EIF2B2: variants seen among roughly 807,000 people sequenced by gnomAD.
EIF2B2 encodes translation initiation factor eIF2B subunit beta.
In EIF2B2, 34 loss-of-function variants were observed where a neutral mutation model predicts 34.7. The ratio of observed to expected loss-of-function variants is 0.98; its 90% CI spans 0.75 to 1.31. The LOEUF is 1.31. Ranked by LOEUF, EIF2B2 falls within the 50% of genes most tolerant of loss-of-function variation. The probability of loss-of-function intolerance (pLI) is 0.00; values close to 1 mark genes in which losing one functional copy is unlikely to be tolerated. For synonymous variants in EIF2B2, 155 were observed against 171.6 expected, an observed-to-expected ratio of 0.90 and a Z score of 0.76; for missense variants, 361 against 447.7, an observed-to-expected ratio of 0.81 and a Z score of 1.75.
intron 3 of EIF2B2, among the ~76,000 whole-genome samples, chr14:75,004,463 AG>A (rs1391343925): frequency 9.3e-6 from 1 of 108,058 alleles, no homozygotes; most frequent in Non-Finnish European, 2.0e-5. Flanking sequence ...GGCCAAGGTG[AG>A]TGGATTGCTT....
Position 75,009,173 on chromosome 14 carries a change from T to C in EIF2B2, c.1041T>C (p.Asp347=), listed in dbSNP as rs1317671933. 4 of 1,613,940 alleles carry C rather than the reference T, an allele frequency of 2.5e-6. No individual in the cohort carries two copies. Among genetic ancestry groups the C allele is most frequent in the Non-Finnish European group, 3.4e-6 (4 of 1,179,976 alleles). Residue 347 remains aspartate, a synonymous_variant, in exon 8 of 8, where the codon GAT becomes GAC. Transcript: ENST00000266126. ...TGATGAGTGAACTCTACCATCCTGA[T>C]GATCATGTTTTATGACCGACCACAC... ...YRLMSELYHP[D]DHVL
intron 7 of EIF2B2, chr14:75,008,204 T>C (rs542609164): frequency 1.9e-5 from 5 of 259,936 alleles, no homozygotes; most frequent in Admixed American, 1.0e-4. Context: ...ACCTGTAGCC[T>C]GGATAGTCTC....
chr14:75,004,689 A>ATATATATATATATATATTTTTTT lies in EIF2B2; in HGVS notation c.434-47_434-46insATATATATATATATATTTTTTTT. Reference sequence around the variant, plus strand: ...TTCATATATATATATATATATATATATTTTTTTTTTTTTTTTTTTTTTTTT... The same window carrying ATATATATATATATATATTTTTTT: ...TTCATATATATATATATATATATATATATATATATATATATATTTTTTTTTTTTTTTTTTTTTTTTTTTTTTTT... On this transcript the variant is annotated intron_variant, in intron 3 of 7. Transcript: ENST00000266126. The ATATATATATATATATATTTTTTT allele has an allele frequency of 2.7e-5, 4 of 146,202 alleles. No homozygotes were observed. The African/African-American group carries it at 2.9e-4, about 11-fold the overall frequency. The allele number at this position is 146,202 out of a possible 1,614,324, so 9.1% of individuals were successfully genotyped here.
At chr14:75,004,685 ATATATTTTT>A (rs1889594456) in intron 3 of EIF2B2, 43 bp from the exon 4 acceptor site, 2 of 129,984 alleles carry the variant, frequency 1.5e-5, no homozygotes, top group African/African-American at 4.4e-4. Flanking sequence ...ATATATATAT[ATATATTTTT>A]TTTTTTTTTT....
intron 6 of EIF2B2, chr14:75,007,167 AT>A: frequency 2.3e-6 from 1 of 432,616 alleles, no homozygotes; most frequent in Non-Finnish European, 4.6e-6. Context: ...ATAGGTCTCT[AT>A]TTTTTAAATT....
intron 6 of EIF2B2, chr14:75,007,118 G>A (rs1185238039): frequency 4.3e-6 from 2 of 463,644 alleles, no homozygotes; most frequent in Non-Finnish European, 8.6e-6. Flanking sequence ...CATTTCATCA[G>A]TGATAGAAGC....
chr14:75,008,952 G>A (rs757439974), intron 7 of EIF2B2, 79 bp from the exon 8 acceptor site: 20 of 1,597,550 alleles, frequency 1.3e-5, no homozygotes, highest in East Asian at 8.9e-5. Flanking sequence ...CTGCATTCTC[G>A]AGCCTGGAAT....
chr14:75,005,973 T>C lies in EIF2B2; in HGVS notation c.693+12T>C, dbSNP rs1889621386. The C allele has an allele frequency of 2.5e-6, 4 of 1,594,170 alleles. No homozygotes were observed. Among genetic ancestry groups the C allele is most frequent in the Non-Finnish European group, 3.4e-6 (4 of 1,162,162 alleles). On this transcript the variant is annotated intron_variant, in intron 5 of 7. Transcript: ENST00000266126. ...CAAGAGTCAACAAGGTGGGTATATCTGGAGTTATGTTGAATTCATGAAGAT... is the reference window on the plus strand; with the variant it reads ...CAAGAGTCAACAAGGTGGGTATATCCGGAGTTATGTTGAATTCATGAAGAT...
Position 75,003,700 on chromosome 14 carries a change from G to T in EIF2B2, c.433+1G>T. The T allele has an allele frequency of 6.2e-7, 1 of 1,614,184 alleles. No homozygotes were observed. Among genetic ancestry groups the T allele is most frequent in the South Asian group, 1.1e-5 (1 of 91,082 alleles). On this transcript the variant is annotated splice_donor_variant, in intron 3 of 7. Transcript: ENST00000266126. LOFTEE classifies it high-confidence loss of function. ...ATTAATGAGCTGCTAGTGGAGCTGG[G>T]TAAGAGGCCTGATCGCTGGGAAAAT...
chr14:75,008,306 C>G, intron 7 of EIF2B2: 1 of 189,012 alleles, frequency 5.3e-6, no homozygotes, highest in South Asian at 1.0e-4. Flanking sequence ...GCCTTACACA[C>G]CATCTGAGAG....
At chr14:75,005,282 C>A (rs1889610736) in intron 4 of EIF2B2, among the ~76,000 whole-genome samples, 1 of 151,500 alleles carries the variant, frequency 6.6e-6, no homozygotes, top group Non-Finnish European at 1.5e-5. Flanking sequence ...GAGGGTGAGG[C>A]AGGAGAATTG....
At chr14:75,008,425 C>T (rs1595010718) in intron 7 of EIF2B2, 1 of 180,264 alleles carries the variant, frequency 5.5e-6, no homozygotes, top group East Asian at 1.4e-4. Context: ...TGAGCACCTA[C>T]AATGTATCCA....
At position 75,006,405 on chromosome 14, in the gene EIF2B2, A is replaced by G; in HGVS notation, c.694-172A>G. ...CATTTTACATTCATTCTTTCCTTGGAAACCTACTTTTAAGCTAGAACTTGT... is the reference window on the plus strand; with the variant it reads ...CATTTTACATTCATTCTTTCCTTGGGAACCTACTTTTAAGCTAGAACTTGT... On this transcript the variant is annotated intron_variant, in intron 5 of 7. Transcript: ENST00000266126. The surrounding 1 kb of genome is among the most constrained non-coding windows in gnomAD (Gnocchi z 4.1). 1.1e-6 allele frequency: 1 copy of G among 897,852 alleles called. No homozygotes were observed. Among genetic ancestry groups the G allele is most frequent in the Non-Finnish European group, 1.7e-6 (1 of 596,998 alleles). 55.6% of individuals were successfully genotyped at this position (897,852 alleles called of 1,614,324 possible).
In EIF2B2 at chr14:75,011,039, G is replaced by A. The variant is rs1024108074; in HGVS notation, c.*1851G>A. Reference sequence around the variant, plus strand: ...CTAAAATACTATAATAAAATTTTTAGTTCCACTAAAAATACAAAAATTAGC... The same window carrying A: ...CTAAAATACTATAATAAAATTTTTAATTCCACTAAAAATACAAAAATTAGC... On this transcript the variant is annotated 3_prime_UTR_variant, in exon 8 of 8. Transcript: ENST00000266126. 2 of 152,046 alleles carry A rather than the reference G, an allele frequency of 1.3e-5. No individual in the cohort carries two copies. Among genetic ancestry groups the A allele is most frequent in the Admixed American group, 6.6e-5 (1 of 15,248 alleles). The allele number at this position is 152,046 out of a possible 1,614,324, so 9.4% of individuals were successfully genotyped here.
chr14:75,004,100 T>C (rs752096650), intron 3 of EIF2B2, among the ~76,000 whole-genome samples: 4 of 152,234 alleles, frequency 2.6e-5, no homozygotes, highest in Non-Finnish European at 4.4e-5. Flanking sequence ...CAGATATTCA[T>C]TGTAATCAGA....
At position 75,003,003 on chromosome 14, in the gene EIF2B2, G is replaced by C; in HGVS notation, c.13G>C (p.Ala5Pro). The change falls in exon 1 of 8, where the codon GCA becomes CCA. Residue 5 changes from alanine to proline, a missense_variant. Ala to Pro is a conservative substitution (Grantham distance 27, BLOSUM62 -1). Transcript: ENST00000266126. The part of the protein sequence containing the change: MPGS[A>P]AKGSELSERI... ...AGCTACCTTAAAGATGCCGGGATCC[G>C]CAGCGAAGGGCTCGGAGTTGTCAGA... is the stretch of plus-strand genomic sequence containing the variant. The C allele has an allele frequency of 6.2e-7, 1 of 1,614,144 alleles. No individual in the cohort carries two copies. Among genetic ancestry groups the C allele is most frequent in the Non-Finnish European group, 8.5e-7 (1 of 1,180,028 alleles).
At chr14:75,004,700 T>C (rs371500682) in intron 3 of EIF2B2, 37 bp from the exon 4 acceptor site, 1 of 423,688 alleles carries the variant, frequency 2.4e-6, no homozygotes, top group Non-Finnish European at 3.1e-6. Context: ...TTTTTTTTTT[T>C]TTTTTTTTTT....
Position 75,006,943 on chromosome 14 carries a change from T to C in EIF2B2, c.831+229T>C. The C allele has an allele frequency of 2.8e-6, 2 of 710,946 alleles. No individual in the cohort carries two copies. The highest frequency in any genetic ancestry group is 1.7e-5 in the African/African-American group (1 of 57,406). 44.0% of individuals were successfully genotyped at this position (710,946 alleles called of 1,614,324 possible). On this transcript the variant is annotated intron_variant, in intron 6 of 7. Coordinates refer to ENST00000266126, the MANE Select transcript of EIF2B2 (RefSeq NM_014239.4). The surrounding 1 kb of genome is among the most constrained non-coding windows in gnomAD (Gnocchi z 4.1). ...GGAAGTCAAGATTGTAAGGACAATATGTAGTTGGGAAAGGTCCTTTGCTTA... is the reference window on the plus strand; with the variant it reads ...GGAAGTCAAGATTGTAAGGACAATACGTAGTTGGGAAAGGTCCTTTGCTTA...
Position 75,003,679 on chromosome 14 carries a change from A to G in EIF2B2, c.413A>G (p.Asn138Ser). 2 of 1,614,188 alleles carry G rather than the reference A, an allele frequency of 1.2e-6. No individual in the cohort carries two copies. Among genetic ancestry groups the G allele is most frequent in the Non-Finnish European group, 1.7e-6 (2 of 1,180,034 alleles). Residue 138 changes from asparagine (N) to serine (S), a missense_variant, in exon 3 of 8, where the codon AAT (asparagine) becomes AGT (serine). Asn to Ser is a conservative substitution (Grantham distance 46, BLOSUM62 1). Coordinates refer to ENST00000266126, the MANE Select transcript of EIF2B2 (RefSeq NM_014239.4). Reference sequence around the variant, plus strand: ...CAGTCCAACATCATTGAGGCGATTAATGAGCTGCTAGTGGAGCTGGGTAAG... The same window carrying G: ...CAGTCCAACATCATTGAGGCGATTAGTGAGCTGCTAGTGGAGCTGGGTAAG... ...QLQSNIIEAINELLVELEGTM... is the reference protein window; with the variant it reads ...QLQSNIIEAISELLVELEGTM...
Sources: gnomAD v4.1 joint callset for allele counts (sites outside exome capture counted in the v4.1 genomes callset) on GRCh38, gnomAD v4.1.1 for gene constraint, Gnocchi (gnomAD v3.1) non-coding constraint, MANE v1.5 for transcripts, NCBI Gene and HGNC (gene_info 2026-07-23, HGNC 2026-07-21) for gene names.